The following SH3BP2 variants were observed in gnomAD, a reference collection of about 807,000 sequenced individuals.
SH3BP2 encodes SH3 domain binding protein 2, also known as SH3 domain-binding protein 2.
SH3BP2 carries 38 observed loss-of-function variants against 56.2 expected under a neutral mutation model. That is an observed-to-expected ratio of 0.68 (90% confidence interval 0.52 to 0.89). The LOEUF (loss-of-function observed/expected upper bound fraction) is 0.89. Ranked by LOEUF, SH3BP2 falls within the 40% of genes least tolerant of loss-of-function variation. The pLI is 0.00. For missense variants in SH3BP2, 748 were observed against 762.6 expected, an observed-to-expected ratio of 0.98 and a Z score of 0.23; for synonymous variants, 346 against 316.7, an observed-to-expected ratio of 1.09 and a Z score of -0.98.
At chr4:2,811,531 G>A (rs1439190411) in intron 1 of SH3BP2, among the ~76,000 whole-genome samples, 5 of 152,252 alleles carry the variant, frequency 3.3e-5, no homozygotes, top group Admixed American at 1.3e-4. Flanking sequence ...TCCGGGCTCT[G>A]GGCCTGGGCA....
At position 2,831,620 on chromosome 4, in the gene SH3BP2, C is replaced by G; in HGVS notation, c.1291C>G (p.Pro431Ala). Residue 431 changes from proline (P) to alanine (A), a missense_variant, in exon 9 of 13, where the codon CCC becomes GCC. Transcript: ENST00000503393. The surrounding 1 kb of genome is among the most constrained non-coding windows in gnomAD (Gnocchi z 4.1). ...TTTCAGGAGCTTCTCCTTTGAAAAG[C>G]CCCGGCAACCCTCACAGGCTGACAC... The part of the protein sequence containing the change: ...QSFRSFSFEK[P>A]RQPSQADTGG... 6.2e-7 allele frequency: 1 copy of G among 1,605,454 alleles called. No individual in the cohort carries two copies. The highest frequency in any genetic ancestry group is 8.5e-7 in the Non-Finnish European group (1 of 1,175,702).
In SH3BP2 at chr4:2,824,917, G is replaced by A. The variant is rs543923186; in HGVS notation, c.357+187G>A. 20 of 669,696 alleles carry A rather than the reference G, an allele frequency of 3.0e-5. No homozygotes were observed. The East Asian group carries it at 5.4e-4, about 18-fold the overall frequency. The allele number at this position is 669,696 out of a possible 1,614,324, so 41.5% of individuals were successfully genotyped here. On this transcript the variant is annotated intron_variant, in intron 4 of 12. Transcript: ENST00000503393. Reference sequence around the variant, plus strand: ...CCCCAGCTCCATCCCCATGCCCAGAGCCTGGTGCCAGCGCCCACACAAGGA... The same window carrying A: ...CCCCAGCTCCATCCCCATGCCCAGAACCTGGTGCCAGCGCCCACACAAGGA...
chr4:2,813,463 C>A (rs1340949341), intron 1 of SH3BP2, among the ~76,000 whole-genome samples: 1 of 152,188 alleles, frequency 6.6e-6, no homozygotes, highest in African/African-American at 2.4e-5. Context: ...AGGCCTGATC[C>A]TCTCCCAGCC....
chr4:2,831,270 C>T lies in SH3BP2; in HGVS notation c.1242-301C>T, dbSNP rs1291052711. Among the ~76,000 whole-genome samples the T allele has an allele frequency of 3.9e-5, 6 of 152,202 alleles. No individual in the cohort carries two copies. Among genetic ancestry groups the T allele is most frequent in the South Asian group, 4.1e-4 (2 of 4,834 alleles). The stretch of plus-strand genomic sequence containing the variant: ...GCCATGACCGGACCTCCCCTCCCCA[C>T]GAGCATCCAGAGCACTTGTTGACGG... On this transcript the variant is annotated intron_variant, in intron 8 of 12. Coordinates refer to ENST00000503393, the MANE Select transcript of SH3BP2 (RefSeq NM_001122681.2). This position sits in a 1 kb window ranked among gnomAD's most constrained non-coding sequence, Gnocchi z 4.1.
intron 1 of SH3BP2, chr4:2,799,373 C>A: frequency 1.2e-6 from 1 of 857,546 alleles, no homozygotes; most frequent in Non-Finnish European, 1.4e-6. Flanking sequence ...CCTGAGCCAT[C>A]CTGGGGTCCT....
chr4:2,827,679 G>T lies in SH3BP2; in HGVS notation c.586+5G>T, dbSNP rs758216830. On this transcript the variant is annotated splice_donor_5th_base_variant and intron_variant, in intron 7 of 12. Coordinates refer to ENST00000503393, the MANE Select transcript of SH3BP2 (RefSeq NM_001122681.2). ...CGGAGCCCGGAAGGCTTGAGGGTAG[G>T]TGGGGCGGGTGGGCCCGGGGAGCTC... The T allele has an allele frequency of 5.1e-6, 8 of 1,568,812 alleles. No individual in the cohort carries two copies. The Admixed American group carries it at 1.3e-4, about 25-fold the overall frequency.
chr4:2,819,859 A>AG (rs1320152981), intron 1 of SH3BP2, among the ~76,000 whole-genome samples: 1 of 146,930 alleles, frequency 6.8e-6, no homozygotes, highest in Non-Finnish European at 1.5e-5. Flanking sequence ...AGCATGAGTA[A>AG]GGGGGGCTGG....
In SH3BP2 at chr4:2,820,600, G is replaced by C. The variant is rs1423947792; in HGVS notation, c.-4-14G>C. On this transcript the variant is annotated splice_polypyrimidine_tract_variant and intron_variant, in intron 1 of 12. Transcript: ENST00000503393. ...GACCGTAGCTGAGCCACGTGCCTTT[G>C]TCCTTTATTGCAGCTTCATGGCGGC... 3 of 1,614,004 alleles carry C rather than the reference G, an allele frequency of 1.9e-6. No individual in the cohort carries two copies. The highest frequency in any genetic ancestry group is 2.5e-6 in the Non-Finnish European group (3 of 1,179,984).
At chr4:2,824,391 G>A (rs996268755) in intron 3 of SH3BP2, among the ~76,000 whole-genome samples, 7 of 152,098 alleles carry the variant, frequency 4.6e-5, no homozygotes, top group Admixed American at 2.0e-4. Flanking sequence ...CTGCTCCCAC[G>A]AAGCCCACCC....
At chr4:2,809,348 G>A (rs184946057) in intron 1 of SH3BP2, among the ~76,000 whole-genome samples, 169 of 137,846 alleles carry the variant, frequency 1.2e-3, no homozygotes, top group African/African-American at 4.2e-3. Context: ...CCTTCCCCCA[G>A]GTTCAGTGCC....
intron 10 of SH3BP2, 118 bp downstream of exon 10, chr4:2,832,096 G>T: frequency 5.2e-6 from 6 of 1,159,720 alleles, no homozygotes; most frequent in Non-Finnish European, 1.3e-6. Context: ...GGCCCTGCGT[G>T]CAGCAGAAAC....
intron 1 of SH3BP2, among the ~76,000 whole-genome samples, chr4:2,806,492 C>T (rs948756921): frequency 3.3e-5 from 5 of 152,178 alleles, no homozygotes; most frequent in African/African-American, 9.7e-5. Context: ...AATCCTGAGC[C>T]GCCTCTGCTG....
At chr4:2,818,305 C>T in intron 1 of SH3BP2, 2 of 1,084,470 alleles carry the variant, frequency 1.8e-6, no homozygotes, top group Non-Finnish European at 2.2e-6. Flanking sequence ...GGCCGGGGGA[C>T]GCGGCCCGGG....
rs746578391 is a variant in SH3BP2, at chr4:2,830,103, C to T, written c.1197C>T (p.Pro399=). 35 of 1,606,018 alleles carry T rather than the reference C, an allele frequency of 2.2e-5. No individual in the cohort carries two copies. The Admixed American group carries it at 2.5e-4, about 11-fold the overall frequency. Reference sequence around the variant, plus strand: ...CAGTGCCTGAGGCCATGGCGCGGCCCGCAGTCCTGCCCAGGCCAGAGAAGC... The same window carrying T: ...CAGTGCCTGAGGCCATGGCGCGGCCTGCAGTCCTGCCCAGGCCAGAGAAGC... The part of the protein sequence containing the change: ...KLPVPEAMAR[P]AVLPRPEKPQ... The change falls in exon 8 of 13, where the codon CCC becomes CCT. Residue 399 remains proline (P), a synonymous_variant. Coordinates refer to ENST00000503393, the MANE Select transcript of SH3BP2 (RefSeq NM_001122681.2).
intron 1 of SH3BP2, chr4:2,809,838 C>A: frequency 1.0e-6 from 1 of 985,150 alleles, no homozygotes. Context: ...TGGTAAGTGC[C>A]CTGTGTCTGG....
intron 1 of SH3BP2, among the ~76,000 whole-genome samples, chr4:2,815,290 G>A (rs1723946927): frequency 6.6e-6 from 1 of 152,296 alleles, no homozygotes; most frequent in Admixed American, 6.5e-5. Flanking sequence ...GTTTCCCCTT[G>A]AATGGCCCCT....
intron 1 of SH3BP2, chr4:2,793,585 G>A (rs1211253387): frequency 6.6e-6 from 1 of 151,744 alleles, no homozygotes; most frequent in Admixed American, 6.6e-5. Context: ...CGCACCCCTC[G>A]CGCCCCTCTG....
At chr4:2,812,948 G>A (rs569672916) in intron 1 of SH3BP2, among the ~76,000 whole-genome samples, 1 of 152,280 alleles carries the variant, frequency 6.6e-6, no homozygotes, top group Admixed American at 6.5e-5. Flanking sequence ...GCCATGCTCT[G>A]AAACCTGCAA....
intron 1 of SH3BP2, among the ~76,000 whole-genome samples, chr4:2,797,317 C>A (rs934482710): frequency 1.3e-5 from 2 of 152,192 alleles, no homozygotes; most frequent in Non-Finnish European, 2.9e-5. Flanking sequence ...AGTGGTGCGC[C>A]TTTACCACCC....
Sources: gnomAD v4.1 joint callset for allele counts (sites outside exome capture counted in the v4.1 genomes callset) on GRCh38, gnomAD v4.1.1 for gene constraint, Gnocchi (gnomAD v3.1) non-coding constraint, MANE v1.5 for transcripts, NCBI Gene and HGNC (gene_info 2026-07-23, HGNC 2026-07-21) for gene names.